Variants in LMNB2 observed in about 807,000 individuals in gnomAD.
LMNB2 encodes lamin-B2.
In LMNB2, 17 loss-of-function variants were observed where a neutral mutation model predicts 69.3. The observed-to-expected ratio is 0.25, with a 90% confidence interval of 0.17 to 0.37. The LOEUF (loss-of-function observed/expected upper bound fraction) is 0.37, where lower values mean the gene tolerates loss of function less well. LMNB2 is among the 10% of genes least tolerant of loss of function. The pLI, the probability that LMNB2 is intolerant of heterozygous loss-of-function variation, is 1.00. For synonymous variants in LMNB2, 397 were observed against 389.3 expected, an observed-to-expected ratio of 1.02 and a Z score of -0.23; for missense variants, 789 against 883.6, an observed-to-expected ratio of 0.89 and a Z score of 1.36.
At chr19:2,455,506 C>T (rs1412182051) in intron 1 of LMNB2, among the ~76,000 whole-genome samples, 1 of 152,096 alleles carries the variant, frequency 6.6e-6, no homozygotes, top group Non-Finnish European at 1.5e-5. Flanking sequence ...ATCCCCAGGA[C>T]CTCTCTTTGG....
intron 9 of LMNB2, 145 bp from the exon 10 acceptor site, chr19:2,432,047 G>A: frequency 9.1e-7 from 1 of 1,093,014 alleles, no homozygotes; most frequent in Non-Finnish European, 1.3e-6. Flanking sequence ...CAGGGTGATG[G>A]TCCCCAGGAT....
rs55781712 is a variant in LMNB2, at chr19:2,450,237, G to A, written c.265-5697C>T. 8.5e-3 allele frequency among the ~76,000 whole-genome samples: 1,300 copies of A among 152,056 alleles called. 7 individuals carry two copies. The highest frequency in any genetic ancestry group is 0.015 in the Non-Finnish European group (1,015 of 67,994). On this transcript the variant is annotated intron_variant, in intron 1 of 11. Coordinates refer to ENST00000325327, the MANE Select transcript of LMNB2 (RefSeq NM_032737.4). ...ATCCTACTGCACACCTGCCCAGCCC[G>A]CTCAGGACCAACCAGAACCTCTAAC...
At chr19:2,446,704 C>T (rs976007446) in intron 1 of LMNB2, among the ~76,000 whole-genome samples, 2 of 152,196 alleles carry the variant, frequency 1.3e-5, no homozygotes, top group Admixed American at 1.3e-4. Context: ...TCACAGGCAG[C>T]GGCAGGAACC....
chr19:2,431,759 ACCC>A lies in LMNB2; in HGVS notation c.1710+21_1710+23del. 3.1e-6 allele frequency: 5 copies of A among 1,612,042 alleles called. No homozygotes were observed. In the South Asian group the frequency reaches 5.5e-5, roughly 18 times the overall value. On this transcript the variant is annotated intron_variant, in intron 10 of 11. Transcript: ENST00000325327. ...ACCCTGCCCAGGACTCCAGCCGAGC[ACCC>A]CCCAAGCCACACACACCCACCTCGC...
At chr19:2,440,103 C>T (rs964255893) in intron 2 of LMNB2, among the ~76,000 whole-genome samples, 1 of 147,070 alleles carries the variant, frequency 6.8e-6, no homozygotes. Context: ...TGAAAGTGAC[C>T]GTATGTCTGT....
At chr19:2,436,445 C>T (rs916128883) in intron 4 of LMNB2, among the ~76,000 whole-genome samples, 4 of 149,982 alleles carry the variant, frequency 2.7e-5, no homozygotes, top group Non-Finnish European at 5.9e-5. Flanking sequence ...AGGAAGCTGG[C>T]CACCTTTGCA....
rs1971969004 is a variant in LMNB2, at chr19:2,447,429, A to C, written c.265-2889T>G. On this transcript the variant is annotated intron_variant, in intron 1 of 11. Coordinates refer to ENST00000325327, the MANE Select transcript of LMNB2 (RefSeq NM_032737.4). This position sits in a 1 kb window ranked among gnomAD's most constrained non-coding sequence, Gnocchi z 4.4. Reference sequence around the variant, plus strand: ...AGCGGGGCTGGAGAAGGGGACGGGGAGTGACCGCTGAGGGGGACAGGCTTC... The same window carrying C: ...AGCGGGGCTGGAGAAGGGGACGGGGCGTGACCGCTGAGGGGGACAGGCTTC... 2.6e-5 allele frequency among the ~76,000 whole-genome samples: 4 copies of C among 152,132 alleles called. No homozygotes were observed. The highest frequency in any genetic ancestry group is 6.6e-5 in the Admixed American group (1 of 15,254).
chr19:2,454,148 C>T (rs773511945), intron 1 of LMNB2, among the ~76,000 whole-genome samples: 3 of 152,056 alleles, frequency 2.0e-5, no homozygotes, highest in Non-Finnish European at 4.4e-5. Context: ...CAAAAATGAG[C>T]CGGGCATGGT....
Position 2,434,261 on chromosome 19 carries a change from ACT to A in LMNB2, c.1202+32_1202+33del, listed in dbSNP as rs751723879. On this transcript the variant is annotated intron_variant, in intron 7 of 11. Transcript: ENST00000325327. ...TCCTCCTGCCCTGCCCCTCCTCCTC[ACT>A]CTGTGCTCCCAAGCCTCCTGGCCTG... 2.2e-5 allele frequency: 35 copies of A among 1,595,104 alleles called. No homozygotes were observed. The South Asian group carries it at 3.5e-4, about 16-fold the overall frequency.
At chr19:2,437,521 C>T (rs547143488) in intron 4 of LMNB2, among the ~76,000 whole-genome samples, 1 of 152,326 alleles carries the variant, frequency 6.6e-6, no homozygotes, top group South Asian at 2.1e-4. Context: ...TATGTTTTGG[C>T]TGGGCATGGT....
Position 2,447,430 on chromosome 19 carries a change from G to A in LMNB2, c.265-2890C>T, listed in dbSNP as rs1971969027. On this transcript the variant is annotated intron_variant, in intron 1 of 11. Coordinates refer to ENST00000325327, the MANE Select transcript of LMNB2 (RefSeq NM_032737.4). This position sits in a 1 kb window ranked among gnomAD's most constrained non-coding sequence, Gnocchi z 4.4. ...GCGGGGCTGGAGAAGGGGACGGGGA[G>A]TGACCGCTGAGGGGGACAGGCTTCT... 6.6e-6 allele frequency among the ~76,000 whole-genome samples: 1 copy of A among 152,204 alleles called. No individual in the cohort carries two copies. The highest frequency in any genetic ancestry group is 6.5e-5 in the Admixed American group (1 of 15,274).
Position 2,434,943 on chromosome 19 carries a change from CGCGGG to C in LMNB2, c.856-35_856-31del, listed in dbSNP as rs755565821. ...GGGGAGACGGGCGGGTGAGTGCGGG[CGCGGG>C]GCGGGGCGGGGTTCCCACCGGCCGC... On this transcript the variant is annotated intron_variant, in intron 5 of 11. Transcript: ENST00000325327. The C allele has an allele frequency of 5.2e-5, 83 of 1,585,988 alleles. No individual in the cohort carries two copies. In the African/African-American group the frequency reaches 8.7e-4, roughly 17 times the overall value.
At chr19:2,435,881 T>G (rs1302300256) in intron 4 of LMNB2, among the ~76,000 whole-genome samples, 1 of 151,764 alleles carries the variant, frequency 6.6e-6, no homozygotes, top group Admixed American at 6.5e-5. Context: ...CCAGGCGTGG[T>G]GGCTCATGCC....
At position 2,438,450 on chromosome 19, in the gene LMNB2, C is replaced by T. The variant is rs770344949; in HGVS notation, c.483G>A (p.Val161=). The T allele has an allele frequency of 1.7e-5, 27 of 1,612,388 alleles. No individual in the cohort carries two copies. The highest frequency in any genetic ancestry group is 2.0e-5 in the Non-Finnish European group (24 of 1,179,854). The stretch of plus-strand genomic sequence containing the variant: ...TGTCGCTGAGGGCAGCTGCCAGCTC[C>T]ACCTCGCTCCGGTGGAACAGGGACT... ...DLESLFHRSE[V]ELAAALSDKR... Residue 161 remains valine (V), a synonymous_variant, in exon 3 of 12, where the codon GTG becomes GTA. Transcript: ENST00000325327.
chr19:2,438,033 G>A, intron 4 of LMNB2, 130 bp downstream of exon 4: 3 of 1,393,824 alleles, frequency 2.2e-6, no homozygotes, highest in Non-Finnish European at 2.0e-6. Flanking sequence ...TAAGAGGCAG[G>A]AAGGAGCCTC....
Position 2,456,690 on chromosome 19 carries a change from CCTT to C in LMNB2, c.241_243del (p.Lys81del). On this transcript the variant is annotated inframe_deletion, in exon 1 of 12. Transcript: ENST00000325327. ...CCCACCTCGCGCGTGGTCACCTCCTCCTTCTCTGAGATCTTGAGCAGGAGCCGG... is the reference window on the plus strand; with the variant it reads ...CCCACCTCGCGCGTGGTCACCTCCTCCTCTGAGATCTTGAGCAGGAGCCGG... 6.4e-7 allele frequency: 1 copy of C among 1,553,754 alleles called. No homozygotes were observed. The highest frequency in any genetic ancestry group is 2.6e-5 in the East Asian group (1 of 38,578).
chr19:2,450,119 C>CAT (rs768767651), intron 1 of LMNB2, among the ~76,000 whole-genome samples: 10,588 of 135,032 alleles, frequency 0.078, 581 homozygotes, highest in East Asian at 0.26. Context: ...TATATATATA[C>CAT]ACATATATAT....
chr19:2,431,619 G>C lies in LMNB2; in HGVS notation c.1750C>G (p.Arg584Gly). Residue 584 changes from arginine to glycine, a missense_variant, in exon 11 of 12, where the codon CGT (arginine) becomes GGT (glycine). By Grantham distance (125) the Arg-to-Gly change is moderately radical. Transcript: ENST00000325327. Reference protein sequence around the residue: ...MRTVKKSSVMRENENGEEEEE... With the variant: ...MRTVKKSSVMGENENGEEEEE... ...TCTTCCTCCCCATTCTCATTCTCACGCATCACCGAGGACTTCTTCACAGTC... is the reference window on the plus strand; with the variant it reads ...TCTTCCTCCCCATTCTCATTCTCACCCATCACCGAGGACTTCTTCACAGTC... 1 of 1,614,030 alleles carries C rather than the reference G, an allele frequency of 6.2e-7. No homozygotes were observed. The highest frequency in any genetic ancestry group is 8.5e-7 in the Non-Finnish European group (1 of 1,179,980).
rs12984562 is a variant in LMNB2, at chr19:2,452,916, G to C, written c.264+3754C>G. 4.3e-3 allele frequency among the ~76,000 whole-genome samples: 361 copies of C among 83,922 alleles called. 2 individuals are homozygous for C. Among genetic ancestry groups the C allele is most frequent in the African/African-American group, 6.6e-3 (129 of 19,632 alleles). The allele number at this position is 83,922 out of a possible 152,430, so 55.1% of individuals were successfully genotyped here. ...GGCTGCGTCATCCTCGTGGGGGATG[G>C]GTCATCCTCATGGGGGCTGCGTCAT... On this transcript the variant is annotated intron_variant, in intron 1 of 11. Transcript: ENST00000325327.
Sources: gnomAD v4.1 joint callset for allele counts (sites outside exome capture counted in the v4.1 genomes callset) on GRCh38, gnomAD v4.1.1 for gene constraint, Gnocchi (gnomAD v3.1) non-coding constraint, MANE v1.5 for transcripts, NCBI Gene and HGNC (gene_info 2026-07-23, HGNC 2026-07-21) for gene names.